The following NAT10 variants were observed in gnomAD, a reference collection of about 807,000 sequenced individuals.
The protein encoded by NAT10 is RNA cytidine acetyltransferase.
A neutral mutation model predicts 132.2 loss-of-function variants in NAT10; 109 were observed. The observed-to-expected ratio is 0.82, with a 90% confidence interval of 0.71 to 0.97. The LOEUF is 0.97. Ranked by LOEUF, NAT10 falls within the 50% of genes least tolerant of loss-of-function variation. NAT10 has a pLI of 0.00. For synonymous variants in NAT10, 479 were observed against 478.0 expected (o/e 1.00, Z -0.03); for missense variants, 1,184 against 1,263.4 (o/e 0.94, Z 0.95).
intron 26 of NAT10, 148 bp downstream of exon 26, chr11:34,141,965 C>T (rs978468845): frequency 1.3e-5 from 9 of 690,200 alleles, no homozygotes; most frequent in Admixed American, 8.4e-5. Context: ...ATTGGACAAA[C>T]GGACCCAGCA....
chr11:34,129,599 CTTTTTTTTTTTTTTT>C (rs71037399), intron 12 of NAT10, among the ~76,000 whole-genome samples: 1,147 of 56,924 alleles, frequency 0.02, 38 homozygotes, highest in African/African-American at 0.077. Flanking sequence ...TCTTCTTCTT[CTTTTTTTTTTTTTTT>C]TTTTTTTTTT....
intron 28 of NAT10, 79 bp from the exon 29 acceptor site, chr11:34,146,005 A>T: frequency 9.4e-7 from 1 of 1,059,308 alleles, no homozygotes; most frequent in Non-Finnish European, 1.4e-6. Context: ...CTTTTTGACA[A>T]AGCAAAGCAA....
chr11:34,145,704 G>A (rs1188606198), intron 28 of NAT10, among the ~76,000 whole-genome samples: 2 of 152,206 alleles, frequency 1.3e-5, no homozygotes, highest in Non-Finnish European at 2.9e-5. Context: ...GGATGAATAT[G>A]TCTAGTTTCC....
At chr11:34,114,443 A>G (rs531083458) in intron 5 of NAT10, among the ~76,000 whole-genome samples, 1 of 152,314 alleles carries the variant, frequency 6.6e-6, no homozygotes, top group African/African-American at 2.4e-5. Flanking sequence ...CAGCTCAGTA[A>G]TGGTGGTCGG....
intron 11 of NAT10, among the ~76,000 whole-genome samples, chr11:34,126,576 GT>G (rs1402821209): frequency 6.6e-6 from 1 of 152,122 alleles, no homozygotes. Flanking sequence ...CCTTCAAAGT[GT>G]TTATACCAGT....
rs377521480 is a variant in NAT10, at chr11:34,108,296, C to G, written c.71C>G (p.Ser24Cys). The G allele has an allele frequency of 3.1e-6, 5 of 1,614,024 alleles. No homozygotes were observed. The highest frequency in any genetic ancestry group is 4.2e-6 in the Non-Finnish European group (5 of 1,180,008). Residue 24 changes from serine (S) to cysteine (C), a missense_variant, in exon 2 of 29, where the codon TCT becomes TGT. By Grantham distance (112) the Ser-to-Cys change is moderately radical (BLOSUM62 -1). Transcript: ENST00000257829. ...AATGGAGTAGCTGAGCGGCAAAGAT[C>G]TCTCTTTGTTGTAGTTGGGGATCGA... ...IENGVAERQRSLFVVVGDRGK... is the reference protein window; with the variant it reads ...IENGVAERQRCLFVVVGDRGK...
chr11:34,129,314 A>T (rs1264878423), intron 12 of NAT10, among the ~76,000 whole-genome samples: 2 of 152,346 alleles, frequency 1.3e-5, no homozygotes, highest in East Asian at 3.9e-4. Flanking sequence ...CTTTGTGGTT[A>T]TAACCATTCT....
At chr11:34,127,019 C>G (rs1027326923) in intron 11 of NAT10, among the ~76,000 whole-genome samples, 1 of 152,144 alleles carries the variant, frequency 6.6e-6, no homozygotes, top group African/African-American at 2.4e-5. Context: ...AGCTATGCCT[C>G]GAGCTCATCG....
In NAT10 at chr11:34,124,334, A is replaced by G; in HGVS notation, c.1041A>G (p.Leu347=). ...TGGATTATGAGATTATCCAGTCTCT[A>G]AATCCTGAATTTAACAAAGCAGTGA... The part of the protein sequence containing the change: ...EHLDYEIIQS[L]NPEFNKAVIR... Residue 347 remains leucine (L), a synonymous_variant, in exon 11 of 29, where the codon CTA becomes CTG. Transcript: ENST00000257829. 6.2e-7 allele frequency: 1 copy of G among 1,613,848 alleles called. No homozygotes were observed. The highest frequency in any genetic ancestry group is 8.5e-7 in the Non-Finnish European group (1 of 1,179,798).
chr11:34,112,307 T>C (rs1590760677), intron 4 of NAT10, 84 bp downstream of exon 4: 2 of 1,507,320 alleles, frequency 1.3e-6, no homozygotes, highest in Non-Finnish European at 1.8e-6. Flanking sequence ...GGAACAGATG[T>C]ACAGTAAGGA....
At chr11:34,144,313 T>TA (rs910514303) in intron 28 of NAT10, among the ~76,000 whole-genome samples, 2 of 152,132 alleles carry the variant, frequency 1.3e-5, no homozygotes, top group African/African-American at 4.8e-5. Context: ...CTGAGAAATT[T>TA]AAAAAAAATT....
In NAT10 at chr11:34,127,525, T is replaced by A. The variant is rs781144035; in HGVS notation, c.1170T>A (p.Ala390=). Residue 390 remains alanine (A), a synonymous_variant, in exon 12 of 29, where the codon GCT becomes GCA. Transcript: ENST00000257829. ...CTGAACTAGTTGTGATTGATGAAGCTGCCGCCATCCCCCTCCCCTTGGTGA... is the reference window on the plus strand; with the variant it reads ...CTGAACTAGTTGTGATTGATGAAGCAGCCGCCATCCCCCTCCCCTTGGTGA... ...GQAELVVIDE[A]AAIPLPLVKS... 6.2e-7 allele frequency: 1 copy of A among 1,614,210 alleles called. No individual in the cohort carries two copies. Among genetic ancestry groups the A allele is most frequent in the South Asian group, 1.1e-5 (1 of 91,082 alleles).
At chr11:34,137,128 C>G (rs912488843) in intron 21 of NAT10, 102 bp downstream of exon 21, 1 of 1,292,734 alleles carries the variant, frequency 7.7e-7, no homozygotes, top group Non-Finnish European at 1.1e-6. Context: ...CTGCATCGCT[C>G]TGAGCAGGTG....
intron 8 of NAT10, among the ~76,000 whole-genome samples, chr11:34,120,648 A>T (rs1851876883): frequency 6.6e-6 from 1 of 152,200 alleles, no homozygotes; most frequent in Admixed American, 6.5e-5. Flanking sequence ...TCCTGTAGGC[A>T]CTGGGGGCCC....
Position 34,122,680 on chromosome 11 carries a change from G to A in NAT10, c.914+88G>A, listed in dbSNP as rs560435726. Reference sequence around the variant, plus strand: ...TGGGGTCAGAGGACTGGTATCTCACGTTCCTAGTTCTGAGTTCTGAGTGGG... The same window carrying A: ...TGGGGTCAGAGGACTGGTATCTCACATTCCTAGTTCTGAGTTCTGAGTGGG... On this transcript the variant is annotated intron_variant, in intron 9 of 28. Coordinates refer to ENST00000257829, the MANE Select transcript of NAT10 (RefSeq NM_024662.3). 3.3e-5 allele frequency: 51 copies of A among 1,528,622 alleles called. No homozygotes were observed. The East Asian group carries it at 9.4e-4, about 28-fold the overall frequency. 94.7% of individuals were successfully genotyped at this position (1,528,622 alleles called of 1,614,324 possible). A position where few individuals can be genotyped will look rare whatever the true frequency, so the allele number is the denominator to read the frequency against.
intron 20 of NAT10, 62 bp from the exon 21 acceptor site, chr11:34,136,916 G>A: frequency 1.9e-6 from 3 of 1,612,106 alleles, no homozygotes; most frequent in Non-Finnish European, 2.5e-6. Flanking sequence ...TTGCCCTTGT[G>A]TGTCTATCAG....
chr11:34,139,496 G>T lies in NAT10; in HGVS notation c.2419+1G>T, dbSNP rs764373271. 4.3e-6 allele frequency: 7 copies of T among 1,612,838 alleles called. No individual in the cohort carries two copies. In the African/African-American group the frequency reaches 8.0e-5, roughly 18 times the overall value. Reference sequence around the variant, plus strand: ...AACATGGGGAAGCCAGCCCAGCCTGGTGAGCCGGGTGGGGACAGGGAGGAG... The same window carrying T: ...AACATGGGGAAGCCAGCCCAGCCTGTTGAGCCGGGTGGGGACAGGGAGGAG... On this transcript the variant is annotated splice_donor_variant, in intron 23 of 28. Coordinates refer to ENST00000257829, the MANE Select transcript of NAT10 (RefSeq NM_024662.3). LOFTEE classifies it high-confidence loss of function.
At chr11:34,141,351 C>T (rs2132981942) in intron 25 of NAT10, 143 bp downstream of exon 25, 2 of 1,148,452 alleles carry the variant, frequency 1.7e-6, no homozygotes, top group Non-Finnish European at 2.4e-6. Context: ...ACACACAAAT[C>T]CAGGACTTCA....
chr11:34,139,144 C>CA lies in NAT10; in HGVS notation c.2212-40dup, dbSNP rs71457320. On this transcript the variant is annotated intron_variant, in intron 21 of 28. Coordinates refer to ENST00000257829, the MANE Select transcript of NAT10 (RefSeq NM_024662.3). Reference sequence around the variant, plus strand: ...TACCCTTCATCAATGATGGGTTATTCAAAAAAAGGGGGTTCTTGGTGCCAG... The same window carrying CA: ...TACCCTTCATCAATGATGGGTTATTCAAAAAAAAGGGGGTTCTTGGTGCCAG... 52 of 1,532,432 alleles carry CA rather than the reference C, an allele frequency of 3.4e-5. No homozygotes were observed. The South Asian group carries it at 3.6e-4, about 11-fold the overall frequency. The allele number at this position is 1,532,432 out of a possible 1,614,324, so 94.9% of individuals were successfully genotyped here. A position where few individuals can be genotyped will look rare whatever the true frequency, so the allele number is the denominator to read the frequency against.
Sources: gnomAD v4.1 joint callset for allele counts (sites outside exome capture counted in the v4.1 genomes callset) on GRCh38, gnomAD v4.1.1 for gene constraint, MANE v1.5 for transcripts, NCBI Gene and HGNC (gene_info 2026-07-23, HGNC 2026-07-21) for gene names.